Variants in TXLNA observed in about 807,000 individuals in gnomAD.
The protein encoded by TXLNA is alpha-taxilin.
A neutral mutation model predicts 61.4 loss-of-function variants in TXLNA; 9 were observed. That is an observed-to-expected ratio of 0.15 (90% CI 0.09 to 0.26). The LOEUF is 0.26. Among genes scored for constraint, TXLNA ranks in the 10% least tolerant of loss-of-function variants. The probability of loss-of-function intolerance (pLI) is 1.00; values close to 1 mark genes in which losing one functional copy is unlikely to be tolerated. For missense variants in TXLNA, 565 were observed against 688.8 expected (o/e 0.82, Z 2.01); for synonymous variants, 257 against 267.7 (o/e 0.96, Z 0.39).
At chr1:32,191,570 A>G (rs970474785) in intron 6 of TXLNA, among the ~76,000 whole-genome samples, 1 of 152,110 alleles carries the variant, frequency 6.6e-6, no homozygotes, top group African/African-American at 2.4e-5. Flanking sequence ...GCCAAGGCAA[A>G]AAAGGACTTA....
intron 9 of TXLNA, 89 bp downstream of exon 9, chr1:32,193,389 G>T (rs1307555150): frequency 5.0e-6 from 5 of 990,116 alleles, no homozygotes; most frequent in Non-Finnish European, 4.8e-6. Context: ...GCTCCCATCT[G>T]GGGTGTCTCA....
In TXLNA at chr1:32,190,161, A is replaced by G; in HGVS notation, c.875A>G (p.Asn292Ser). ...NDIQLQMEQH[N>S]ERNSKLRQEN... ...ATTCAGCTGCAGATGGAACAGCACA[A>G]TGAGCGCAACTCCAAGCTGCGCCAA... Residue 292 changes from asparagine (N) to serine (S), a missense_variant, in exon 6 of 11, where the codon AAT becomes AGT. Asn to Ser is a conservative substitution (Grantham distance 46). Transcript: ENST00000373610. 1 of 1,600,624 alleles carries G rather than the reference A, an allele frequency of 6.2e-7. No homozygotes were observed. The highest frequency in any genetic ancestry group is 8.5e-7 in the Non-Finnish European group (1 of 1,173,426).
At chr1:32,188,677 A>G (rs934235586) in intron 5 of TXLNA, among the ~76,000 whole-genome samples, 7 of 152,326 alleles carry the variant, frequency 4.6e-5, no homozygotes, top group African/African-American at 1.7e-4. Context: ...TGGCATAGAA[A>G]TACACTTTCT....
chr1:32,184,098 C>T (rs1468158502), intron 3 of TXLNA, among the ~76,000 whole-genome samples: 2 of 152,192 alleles, frequency 1.3e-5, no homozygotes, highest in Non-Finnish European at 2.9e-5. Context: ...TTTAGTATTT[C>T]TCAAGGAGGC....
At chr1:32,183,318 G>A (rs992034461) in intron 3 of TXLNA, among the ~76,000 whole-genome samples, 2 of 148,974 alleles carry the variant, frequency 1.3e-5, no homozygotes, top group African/African-American at 4.9e-5. Flanking sequence ...TAGTGACAGG[G>A]TTTCACTGTG....
rs997615466 is a variant in TXLNA, at chr1:32,192,792, G to A, written c.1158+61G>A. On this transcript the variant is annotated intron_variant, in intron 8 of 10. Transcript: ENST00000373610. The surrounding 1 kb of genome is among the most constrained non-coding windows in gnomAD (Gnocchi z 4.2). ...TTCCCTCACTGGGCCCCATCCTGGGGGTAGTGAAATGGGACCCTCATTCTA... is the reference window on the plus strand; with the variant it reads ...TTCCCTCACTGGGCCCCATCCTGGGAGTAGTGAAATGGGACCCTCATTCTA... 2 of 1,569,296 alleles carry A rather than the reference G, an allele frequency of 1.3e-6. No homozygotes were observed. Among genetic ancestry groups the A allele is most frequent in the East Asian group, 4.5e-5 (2 of 44,648 alleles).
At position 32,195,009 on chromosome 1, in the gene TXLNA, A is replaced by G. The variant is rs747256997; in HGVS notation, c.1455A>G (p.Val485=). The G allele has an allele frequency of 5.6e-6, 9 of 1,614,210 alleles. No individual in the cohort carries two copies. Among genetic ancestry groups the G allele is most frequent in the South Asian group, 2.2e-5 (2 of 91,092 alleles). The change falls in exon 11 of 11, where the codon GTA becomes GTG. Residue 485 remains valine (V), a synonymous_variant. Transcript: ENST00000373610. ...AGCGCAATGACCTGAACAAGAGGGT[A>G]CAGGACCTGAGTGCTGGTGGCCAGG... The part of the protein sequence containing the change: ...QTERNDLNKR[V]QDLSAGGQGS...
chr1:32,184,245 C>G (rs1353211811), intron 3 of TXLNA, among the ~76,000 whole-genome samples: 3 of 152,110 alleles, frequency 2.0e-5, no homozygotes, highest in Non-Finnish European at 4.4e-5. Context: ...CAGTTTTTTT[C>G]TCCTGCCAAT....
intron 3 of TXLNA, 46 bp from the exon 4 acceptor site, chr1:32,184,479 G>A (rs1642738579): frequency 1.5e-6 from 2 of 1,291,544 alleles, no homozygotes; most frequent in East Asian, 2.3e-5. Context: ...GCCTGGAGGG[G>A]ACACCTGGAG....
At position 32,192,160 on chromosome 1, in the gene TXLNA, A is replaced by G; in HGVS notation, c.964-151A>G. 3.3e-6 allele frequency: 4 copies of G among 1,209,722 alleles called. No individual in the cohort carries two copies. The highest frequency in any genetic ancestry group is 4.6e-6 in the Non-Finnish European group (4 of 871,320). 74.9% of individuals were successfully genotyped at this position (1,209,722 alleles called of 1,614,324 possible). A position where few individuals can be genotyped will look rare whatever the true frequency, so the allele number is the denominator to read the frequency against. ...AGGTTGGAAAGCTGACCTTCCAGAG[A>G]CTTGGGGCCCATGTTGTGTGGTACA... On this transcript the variant is annotated intron_variant, in intron 6 of 10. Coordinates refer to ENST00000373610, the MANE Select transcript of TXLNA (RefSeq NM_175852.4). The surrounding 1 kb of genome is among the most constrained non-coding windows in gnomAD (Gnocchi z 4.2).
In TXLNA at chr1:32,197,466, A is replaced by G. The variant is rs1339840803; in HGVS notation, c.*2271A>G. On this transcript the variant is annotated 3_prime_UTR_variant, in exon 11 of 11. Transcript: ENST00000373610. The surrounding 1 kb of genome is among the most constrained non-coding windows in gnomAD (Gnocchi z 4.6). ...TGTCTAGACCTTCAGGCCAGTCTGC[A>G]GATGAGGTTCCCTACCTTTTTCTTC... 2.0e-5 allele frequency: 3 copies of G among 152,338 alleles called. No individual in the cohort carries two copies. The highest frequency in any genetic ancestry group is 7.2e-5 in the African/African-American group (3 of 41,466). 9.4% of individuals were successfully genotyped at this position (152,338 alleles called of 1,614,324 possible). A position where few individuals can be genotyped will look rare whatever the true frequency, so the allele number is the denominator to read the frequency against.
chr1:32,185,499 TCTC>T (rs1642768477), intron 4 of TXLNA, among the ~76,000 whole-genome samples: 1 of 151,360 alleles, frequency 6.6e-6, no homozygotes, highest in Non-Finnish European at 1.5e-5. Flanking sequence ...TTCATGCCAT[TCTC>T]CTGCCTCAGC....
chr1:32,180,971 G>C (rs1156950090), intron 2 of TXLNA, among the ~76,000 whole-genome samples: 1 of 152,180 alleles, frequency 6.6e-6, no homozygotes, highest in Non-Finnish European at 1.5e-5. Flanking sequence ...GTGGTAGTGA[G>C]AAATAGTTGT....
In TXLNA at chr1:32,197,617, T is replaced by A. The variant is rs1019562161; in HGVS notation, c.*2422T>A. ...AGTGAAGGCCAGTGTCTTCCTCACC[T>A]GGGTGGGTCCCACACTTGTGACCTC... On this transcript the variant is annotated 3_prime_UTR_variant, in exon 11 of 11. Transcript: ENST00000373610. This position sits in a 1 kb window ranked among gnomAD's most constrained non-coding sequence, Gnocchi z 4.6. The A allele has an allele frequency of 1.3e-5, 2 of 152,284 alleles. No individual in the cohort carries two copies. Among genetic ancestry groups the A allele is most frequent in the Non-Finnish European group, 2.9e-5 (2 of 68,060 alleles). The allele number at this position is 152,284 out of a possible 1,614,324, so 9.4% of individuals were successfully genotyped here. A position where few individuals can be genotyped will look rare whatever the true frequency, so the allele number is the denominator to read the frequency against.
At chr1:32,185,390 T>TATG (rs1557500829) in intron 4 of TXLNA, among the ~76,000 whole-genome samples, 25 of 145,130 alleles carry the variant, frequency 1.7e-4, no homozygotes, top group African/African-American at 3.8e-4. Flanking sequence ...ATGTATGTAT[T>TATG]TATTTATTTA....
chr1:32,190,063 T>A lies in TXLNA; in HGVS notation c.777T>A (p.Gly259=), dbSNP rs2124154300. The A allele has an allele frequency of 6.4e-7, 1 of 1,571,090 alleles. No homozygotes were observed. Among genetic ancestry groups the A allele is most frequent in the East Asian group, 2.3e-5 (1 of 43,512 alleles). ...QRHNRSLKEE[G]VQRAREEEEK... The stretch of plus-strand genomic sequence containing the variant: ...CTGACTTCTTTGCCCAGGAAGAAGG[T>A]GTGCAGCGGGCCCGGGAGGAGGAGG... Residue 259 remains glycine (G), a synonymous_variant, in exon 6 of 11, where the codon GGT becomes GGA. Transcript: ENST00000373610.
chr1:32,189,963 AG>A, intron 5 of TXLNA, 91 bp from the exon 6 acceptor site: 1 of 1,350,180 alleles, frequency 7.4e-7, no homozygotes, highest in Non-Finnish European at 1.0e-6. Context: ...GGGAGCAGGG[AG>A]GGCTGTTGGC....
intron 3 of TXLNA, among the ~76,000 whole-genome samples, chr1:32,184,253 A>G (rs1642735191): frequency 6.6e-6 from 1 of 152,150 alleles, no homozygotes; most frequent in African/African-American, 2.4e-5. Flanking sequence ...TTCTCCTGCC[A>G]ATGGTGCCTA....
chr1:32,187,055 A>C (rs1283442512), intron 4 of TXLNA, among the ~76,000 whole-genome samples: 2 of 152,002 alleles, frequency 1.3e-5, no homozygotes, highest in Non-Finnish European at 2.9e-5. Context: ...CATGCCACCA[A>C]ACTGGCTACT....
Sources: gnomAD v4.1 joint callset for allele counts (sites outside exome capture counted in the v4.1 genomes callset) on GRCh38, gnomAD v4.1.1 for gene constraint, Gnocchi (gnomAD v3.1) non-coding constraint, MANE v1.5 for transcripts, NCBI Gene and HGNC (gene_info 2026-07-23, HGNC 2026-07-21) for gene names.